Variants in NDUFA5 observed in about 807,000 individuals in gnomAD.
NDUFA5 encodes NADH dehydrogenase [ubiquinone] 1 alpha subcomplex subunit 5.
A neutral mutation model predicts 19.8 loss-of-function variants in NDUFA5; 11 were observed. The ratio of observed to expected loss-of-function variants is 0.56; its 90% CI spans 0.35 to 0.92. The LOEUF is 0.92. NDUFA5 is among the 40% of genes least tolerant of loss of function. The pLI, the probability that NDUFA5 is intolerant of heterozygous loss-of-function variation, is 0.01. For synonymous variants in NDUFA5, 47 were observed against 46.8 expected (o/e 1.00, Z -0.01); for missense variants, 109 against 134.2 (o/e 0.81, Z 0.93).
At chr7:123,584,971 C>G in the NDUFA5 span, 1 of 151,734 alleles carries the variant, frequency 6.6e-6, no homozygotes, top group African/African-American at 2.4e-5. Context: ...AGTCACAATT[C>G]CATTTTGACT....
At chr7:123,595,427 ATTC>A in the NDUFA5 span, among the ~76,000 whole-genome samples, 2 of 152,192 alleles carry the variant, frequency 1.3e-5, no homozygotes. Flanking sequence ...GTGTCGGGTT[ATTC>A]TTTGTGAAAG....
rs922391026 is a variant in NDUFA5 at position 123,550,256 on chromosome 7, T to C, written c.183+214A>G. Reference sequence around the variant, plus strand: ...TACAATGTTACTTCAAGGAAGGATCTGATCCTAGTCTCAAACTCCAGTATG... The same window carrying C: ...TACAATGTTACTTCAAGGAAGGATCCGATCCTAGTCTCAAACTCCAGTATG... On this transcript the variant is annotated intron_variant, in intron 3 of 4. Transcript: ENST00000355749. 29 of 456,566 alleles carry C rather than the reference T, an allele frequency of 6.4e-5. 1 individual carries two copies. The highest frequency in any genetic ancestry group is 5.3e-4 in the African/African-American group (26 of 49,016). 28.3% of individuals were successfully genotyped at this position (456,566 alleles called of 1,614,324 possible). A position where few individuals can be genotyped will look rare whatever the true frequency, so the allele number is the denominator to read the frequency against.
the NDUFA5 span, chr7:123,596,466 G>A: frequency 6.6e-6 from 1 of 152,006 alleles, no homozygotes; most frequent in Admixed American, 6.6e-5. Flanking sequence ...AAAAAAATTA[G>A]CCAGATGTGG....
At chr7:123,572,143 T>C in the NDUFA5 span, among the ~76,000 whole-genome samples, 29 of 129,854 alleles carry the variant, frequency 2.2e-4, no homozygotes, top group Admixed American at 3.1e-4. Flanking sequence ...TTTTTTTTTT[T>C]TTTTTTTTTT....
chr7:123,583,202 G>A, the NDUFA5 span, among the ~76,000 whole-genome samples: 6 of 151,826 alleles, frequency 4.0e-5, no homozygotes, highest in Non-Finnish European at 7.4e-5. Flanking sequence ...ATCAGCTGGG[G>A]CAATTATAAC....
chr7:123,562,794 CTTTCTTTTTTTTTT>C (rs1186117370), upstream of NDUFA5, among the ~76,000 whole-genome samples: 2 of 127,488 alleles, frequency 1.6e-5, no homozygotes, highest in Admixed American at 8.0e-5. Flanking sequence ...TTCTTTCTTT[CTTTCTTTTTTTTTT>C]TTTTTTGAGT....
At chr7:123,572,287 A>C in the NDUFA5 span, among the ~76,000 whole-genome samples, 1 of 151,280 alleles carries the variant, frequency 6.6e-6, no homozygotes, top group Admixed American at 6.6e-5. Flanking sequence ...GACTGTAGGC[A>C]CGCGCCACCA....
rs919507954 is a variant in NDUFA5 at position 123,538,386 on chromosome 7, T to C, written c.*3733A>G. ...AATGAATTCTTCCTGTCCCCATCAATCATTCAAACCCCTTATCACATTCCC... is the reference window on the plus strand; with the variant it reads ...AATGAATTCTTCCTGTCCCCATCAACCATTCAAACCCCTTATCACATTCCC... On this transcript the variant is annotated 3_prime_UTR_variant, in exon 5 of 5. Transcript: ENST00000355749. 1.3e-5 allele frequency: 2 copies of C among 152,240 alleles called. No individual in the cohort carries two copies. The highest frequency in any genetic ancestry group is 4.8e-5 in the African/African-American group (2 of 41,458). 9.4% of individuals were successfully genotyped at this position (152,240 alleles called of 1,614,324 possible). A position where few individuals can be genotyped will look rare whatever the true frequency, so the allele number is the denominator to read the frequency against.
chr7:123,595,037 T>A, the NDUFA5 span, among the ~76,000 whole-genome samples: 1 of 152,130 alleles, frequency 6.6e-6, no homozygotes. Flanking sequence ...CCCGCCAAGC[T>A]CCAGCATCCC....
At chr7:123,590,920 C>G in the NDUFA5 span, among the ~76,000 whole-genome samples, 2 of 152,072 alleles carry the variant, frequency 1.3e-5, no homozygotes, top group Admixed American at 6.6e-5. Context: ...ACTGATTCTT[C>G]CTATCGATGA....
the NDUFA5 span, among the ~76,000 whole-genome samples, chr7:123,579,668 T>A: frequency 6.6e-6 from 1 of 152,096 alleles, no homozygotes. Context: ...TAACTCCTTC[T>A]GCTCCTGGGA....
chr7:123,545,473 C>T lies in NDUFA5; in HGVS notation c.249+138G>A, dbSNP rs562747597. The T allele has an allele frequency of 1.9e-4, 125 of 661,896 alleles. No homozygotes were observed. In the African/African-American group the frequency reaches 2.2e-3, roughly 11 times the overall value. The allele number at this position is 661,896 out of a possible 1,614,324, so 41.0% of individuals were successfully genotyped here. On this transcript the variant is annotated intron_variant, in intron 4 of 4. Transcript: ENST00000355749. The stretch of plus-strand genomic sequence containing the variant: ...TAATCAACATACACATGAGAAGCAC[C>T]ACATTTTCTATATGTGATTAGTCTT...
chr7:123,545,884 AT>A (rs1798115018), intron 3 of NDUFA5: 2 of 444,796 alleles, frequency 4.5e-6, no homozygotes, highest in Non-Finnish European at 7.9e-6. Flanking sequence ...CTAAATGTTT[AT>A]TGACATGCTG....
chr7:123,559,414 C>G (rs1562901612), upstream of NDUFA5, among the ~76,000 whole-genome samples: 2 of 151,630 alleles, frequency 1.3e-5, no homozygotes, highest in African/African-American at 2.4e-5. Flanking sequence ...AGAAACTATT[C>G]CAAAATATAG....
the NDUFA5 span, among the ~76,000 whole-genome samples, chr7:123,563,851 G>A: frequency 2.0e-5 from 3 of 152,144 alleles, no homozygotes; most frequent in Non-Finnish European, 2.9e-5. Flanking sequence ...GAAGCACCAG[G>A]ATTGAGATTT....
Position 123,541,451 on chromosome 7 carries a change from G to C in NDUFA5, c.*668C>G, listed in dbSNP as rs1215331808. On this transcript the variant is annotated 3_prime_UTR_variant, in exon 5 of 5. Transcript: ENST00000355749. ...CTGTACAATGTATTCTAATTTGAAG[G>C]TTTTCAAATATAATACAGTAACAAC... 6.6e-6 allele frequency: 1 copy of C among 151,980 alleles called. No homozygotes were observed. Among genetic ancestry groups the C allele is most frequent in the Non-Finnish European group, 1.5e-5 (1 of 67,990 alleles). 9.4% of individuals were successfully genotyped at this position (151,980 alleles called of 1,614,324 possible).
At chr7:123,554,178 A>G (rs1798454788) in intron 2 of NDUFA5, among the ~76,000 whole-genome samples, 1 of 152,238 alleles carries the variant, frequency 6.6e-6, no homozygotes, top group Non-Finnish European at 1.5e-5. Flanking sequence ...AAAATTTAGT[A>G]TGAAGAAAAA....
chr7:123,589,300 C>CA, the NDUFA5 span, among the ~76,000 whole-genome samples: 3 of 117,514 alleles, frequency 2.6e-5, no homozygotes, highest in African/African-American at 1.1e-4. Context: ...ACTTTCATCT[C>CA]TTTATTATTA....
intron 2 of NDUFA5, among the ~76,000 whole-genome samples, chr7:123,552,764 A>G (rs927202656): frequency 3.2e-4 from 48 of 151,946 alleles, no homozygotes; most frequent in Admixed American, 7.9e-4. Flanking sequence ...GTCCTCCTCC[A>G]CAAATAACTC....
Sources: gnomAD v4.1 joint callset for allele counts (sites outside exome capture counted in the v4.1 genomes callset) on GRCh38, gnomAD v4.1.1 for gene constraint, MANE v1.5 for transcripts, NCBI Gene and HGNC (gene_info 2026-07-23, HGNC 2026-07-21) for gene names.